DAAM1: variants seen among roughly 807,000 people sequenced by gnomAD.
The protein encoded by DAAM1 is disheveled-associated activator of morphogenesis 1.
A neutral mutation model predicts 130.0 loss-of-function variants in DAAM1; 52 were observed. That is an observed-to-expected ratio of 0.40 (90% confidence interval 0.32 to 0.50). DAAM1 has a LOEUF of 0.50. Ranked by LOEUF, DAAM1 falls within the 20% of genes least tolerant of loss-of-function variation. DAAM1 has a pLI of 0.61. For synonymous variants in DAAM1, 452 were observed against 444.5 expected (o/e 1.02, Z -0.21); for missense variants, 1,134 against 1,303.8 (o/e 0.87, Z 2.01).
intron 2 of DAAM1, chr14:59,264,824 C>A (rs1355767045): frequency 2.0e-5 from 3 of 152,176 alleles, no homozygotes; most frequent in African/African-American, 7.2e-5. Flanking sequence ...CCACCATCCC[C>A]CTGCCTCCTG....
intron 22 of DAAM1, among the ~76,000 whole-genome samples, chr14:59,362,070 T>A (rs1440569872): frequency 6.8e-6 from 1 of 147,358 alleles, no homozygotes; most frequent in African/African-American, 2.5e-5. Context: ...AAAAAAAAAA[T>A]TCTACTGATT....
At chr14:59,264,410 T>C (rs547101485) in intron 2 of DAAM1, 1 of 152,326 alleles carries the variant, frequency 6.6e-6, no homozygotes, top group South Asian at 2.1e-4. Context: ...TTTTTTCAAA[T>C]CACTGCTTTG....
intron 1 of DAAM1, among the ~76,000 whole-genome samples, chr14:59,246,472 T>G (rs1288250347): frequency 6.6e-6 from 1 of 152,216 alleles, no homozygotes; most frequent in Non-Finnish European, 1.5e-5. Flanking sequence ...TTTGGGTTCC[T>G]TCCACCTCTC....
At chr14:59,244,255 T>TC (rs3047796) in intron 1 of DAAM1, among the ~76,000 whole-genome samples, 3 of 151,752 alleles carry the variant, frequency 2.0e-5, no homozygotes, top group Non-Finnish European at 4.4e-5. Context: ...TTTTTTTTTT[T>TC]AATAAATTGC....
In DAAM1 at chr14:59,230,317, T is replaced by C. The variant is rs1270488819; in HGVS notation, c.-37-33124T>C. Among the ~76,000 whole-genome samples the C allele has an allele frequency of 6.5e-4, 97 of 148,922 alleles. 1 individual carries two copies. Among genetic ancestry groups the C allele is most frequent in the Admixed American group, 1.1e-3 (17 of 14,904 alleles). On this transcript the variant is annotated intron_variant, in intron 1 of 24. Coordinates refer to ENST00000360909, the MANE Select transcript of DAAM1 (RefSeq NM_001270520.2). ...GATGCTTAGAGGCTTTTTTTTTTTT[T>C]TCCCCCCACAAGCTAGGATTCCCTT...
At chr14:59,199,129 T>C (rs1399934858) in intron 1 of DAAM1, among the ~76,000 whole-genome samples, 3 of 152,212 alleles carry the variant, frequency 2.0e-5, no homozygotes, top group African/African-American at 7.2e-5. Flanking sequence ...ATCCTGTTCT[T>C]GGCTGGAGCT....
chr14:59,295,868 TC>T (rs1197923017), intron 3 of DAAM1, among the ~76,000 whole-genome samples: 2 of 152,178 alleles, frequency 1.3e-5, no homozygotes, highest in African/African-American at 4.8e-5. Context: ...ATGTCTTCTT[TC>T]TTTTACTGTG....
intron 14 of DAAM1, 145 bp downstream of exon 14, chr14:59,331,653 T>C (rs1204661486): frequency 2.7e-6 from 4 of 1,499,704 alleles, no homozygotes; most frequent in African/African-American, 2.8e-5. Context: ...GATATTTAAG[T>C]GATAAAGCTT....
chr14:59,351,347 T>A lies in DAAM1; in HGVS notation c.2161-1179T>A, dbSNP rs529727130. On this transcript the variant is annotated intron_variant, in intron 17 of 24. Transcript: ENST00000360909. ...CCATCCTGCAAGCACGGCAATTTTT[T>A]AAAAAAACGTAAACTCACTCTCCTA... is the stretch of plus-strand genomic sequence containing the variant. 4.4e-3 allele frequency among the ~76,000 whole-genome samples: 674 copies of A among 152,268 alleles called. 3 individuals carry two copies. The highest frequency in any genetic ancestry group is 7.8e-3 in the Non-Finnish European group (529 of 68,008).
rs1883756495 is a variant in DAAM1, at chr14:59,291,942, A to G, written c.273+636A>G. Among the ~76,000 whole-genome samples, 3 of 152,144 alleles carry G rather than the reference A, an allele frequency of 2.0e-5. No homozygotes were observed. In the South Asian group the frequency reaches 6.2e-4, roughly 31 times the overall value. ...TCTAGGGGTTCTATTACCTCAAGAG[A>G]TGGGGAGAATGGATATAGGGGACAG... On this transcript the variant is annotated intron_variant, in intron 3 of 24. Transcript: ENST00000360909.
At chr14:59,205,083 A>G (rs1178734339) in intron 1 of DAAM1, among the ~76,000 whole-genome samples, 2 of 152,218 alleles carry the variant, frequency 1.3e-5, no homozygotes, top group African/African-American at 4.8e-5. Flanking sequence ...AAACTAATAC[A>G]ACTAGTATGA....
intron 1 of DAAM1, among the ~76,000 whole-genome samples, chr14:59,202,423 A>G (rs1888133924): frequency 6.6e-6 from 1 of 152,266 alleles, no homozygotes; most frequent in South Asian, 2.1e-4. Context: ...CAAGGAAAAT[A>G]GCTGATTTTT....
chr14:59,191,079 G>C (rs1207628749), intron 1 of DAAM1, among the ~76,000 whole-genome samples: 1 of 152,100 alleles, frequency 6.6e-6, no homozygotes, highest in Non-Finnish European at 1.5e-5. Context: ...TTTCCCCTCT[G>C]CTTGCATTTT....
intron 1 of DAAM1, among the ~76,000 whole-genome samples, chr14:59,201,160 C>CA (rs71111617): frequency 0.11 from 7,594 of 68,024 alleles, 578 homozygotes; most frequent in Non-Finnish European, 0.14. Context: ...GACTCCGTCT[C>CA]AAAAAAAAAA....
chr14:59,280,623 G>T lies in DAAM1; in HGVS notation c.184-10594G>T, dbSNP rs991913118. Among the ~76,000 whole-genome samples, 4 of 138,254 alleles carry T rather than the reference G, an allele frequency of 2.9e-5. No individual in the cohort carries two copies. The South Asian group carries it at 9.0e-4, about 31-fold the overall frequency. 90.7% of individuals were successfully genotyped at this position (138,254 alleles called of 152,430 possible). Reference sequence around the variant, plus strand: ...AAGATGAATAGAACAAATTGAGTTCGCGTCTTTTGGGAACGAGTTCACAAT... The same window carrying T: ...AAGATGAATAGAACAAATTGAGTTCTCGTCTTTTGGGAACGAGTTCACAAT... On this transcript the variant is annotated intron_variant, in intron 2 of 24. Coordinates refer to ENST00000360909, the MANE Select transcript of DAAM1 (RefSeq NM_001270520.2).
In DAAM1 at chr14:59,331,936, C is replaced by T. The variant is rs1594829712; in HGVS notation, c.1968+16C>T. ...AAGACAGCAGGTAACAGCATATGCC[C>T]TCCAGACACCAAAAAGGTAGAAAAA... On this transcript the variant is annotated intron_variant, in intron 15 of 24. Transcript: ENST00000360909. 1 of 1,598,050 alleles carries T rather than the reference C, an allele frequency of 6.3e-7. No individual in the cohort carries two copies.
chr14:59,350,020 C>G (rs1468623006), intron 17 of DAAM1, among the ~76,000 whole-genome samples: 1 of 152,022 alleles, frequency 6.6e-6, no homozygotes, highest in Non-Finnish European at 1.5e-5. Flanking sequence ...TGGGGTGATG[C>G]TTTCCTCTCT....
At chr14:59,340,872 A>G (rs1349509516) in intron 16 of DAAM1, among the ~76,000 whole-genome samples, 1 of 152,192 alleles carries the variant, frequency 6.6e-6, no homozygotes, top group African/African-American at 2.4e-5. Context: ...GAACTTTCAC[A>G]TTAGGCAAAG....
chr14:59,350,090 A>T (rs1886232231), intron 17 of DAAM1, among the ~76,000 whole-genome samples: 1 of 152,072 alleles, frequency 6.6e-6, no homozygotes, highest in Non-Finnish European at 1.5e-5. Flanking sequence ...AAAGAACAAG[A>T]TACATCCTGA....
Sources: gnomAD v4.1 joint callset for allele counts (sites outside exome capture counted in the v4.1 genomes callset) on GRCh38, gnomAD v4.1.1 for gene constraint, MANE v1.5 for transcripts, NCBI Gene and HGNC (gene_info 2026-07-23, HGNC 2026-07-21) for gene names.